The following RPS6KA3 variants were observed in gnomAD, a reference collection of about 807,000 sequenced individuals.
RPS6KA3 encodes ribosomal protein S6 kinase alpha-3.
A neutral mutation model predicts 67.2 loss-of-function variants in RPS6KA3; 4 were observed. The observed-to-expected ratio is 0.06, with a 90% confidence interval of 0.03 to 0.14. The LOEUF (loss-of-function observed/expected upper bound fraction) is 0.14. Among genes scored for constraint, RPS6KA3 ranks in the 10% least tolerant of loss-of-function variants. The pLI, the probability that RPS6KA3 is intolerant of heterozygous loss-of-function variation, is 1.00. For missense variants in RPS6KA3, 204 were observed against 559.0 expected (o/e 0.36, Z 6.40); for synonymous variants, 182 against 183.7 (o/e 0.99, Z 0.07).
chrX:20,161,035 T>C, intron 20 of RPS6KA3, among the ~76,000 whole-genome samples: 1 of 112,094 alleles, frequency 8.9e-6, no homozygotes. Flanking sequence ...TCAGTGCTAT[T>C]CAGGGGATGG....
chrX:20,248,239 T>C (rs2069756197), intron 1 of RPS6KA3, among the ~76,000 whole-genome samples: 1 of 112,333 alleles, frequency 8.9e-6, no homozygotes, highest in Non-Finnish European at 1.9e-5. Context: ...TTTTATCTTT[T>C]TGAATACTCT....
chrX:20,166,525 A>G (rs189066158), intron 17 of RPS6KA3, among the ~76,000 whole-genome samples: 2 of 111,382 alleles, frequency 1.8e-5, no homozygotes, highest in Admixed American at 1.9e-4. Context: ...CTTAAGAAGT[A>G]ATCTTTTATA....
chrX:20,176,253 TG>T lies in RPS6KA3; in HGVS notation c.1098del (p.Asp368IlefsTer57). ...GATTTTCACATTTTCTCCTTACCTT[TG>T]GGAGTTTTTGCAGTAAACTCAGGAT... ...YFDPEFTAKT[P>X]KDSPGIPPSA... On this transcript the variant is annotated frameshift_variant, in exon 13 of 22. Transcript: ENST00000379565. LOFTEE classifies it high-confidence loss of function. The T allele has an allele frequency of 9.0e-7, 1 of 1,112,216 alleles. No individual in the cohort carries two copies. The highest frequency in any genetic ancestry group is 1.2e-6 in the Non-Finnish European group (1 of 804,723). The allele number at this position is 1,112,216 out of a possible 1,213,427, so 91.7% of individuals were successfully genotyped here.
At chrX:20,216,269 C>A (rs1377801164) in intron 2 of RPS6KA3, among the ~76,000 whole-genome samples, 1 of 111,731 alleles carries the variant, frequency 9.0e-6, no homozygotes, top group African/African-American at 3.3e-5. Flanking sequence ...CGTCTTCTTT[C>A]ATTCTTCCTA....
chrX:20,211,652 CT>C (rs1343332867), intron 2 of RPS6KA3, among the ~76,000 whole-genome samples: 1 of 111,136 alleles, frequency 9.0e-6, no homozygotes, highest in Middle Eastern at 4.3e-3. Context: ...AAGTTCTCTT[CT>C]TTTCTTTTTC....
chrX:20,256,171 T>TA, intron 1 of RPS6KA3, among the ~76,000 whole-genome samples: 1 of 4,608 alleles, frequency 2.2e-4, no homozygotes, highest in African/African-American at 2.3e-3. Flanking sequence ...AGACACCGTC[T>TA]CAAAAAAAAA....
intron 3 of RPS6KA3, among the ~76,000 whole-genome samples, chrX:20,207,588 C>T (rs755304561): frequency 2.6e-4 from 29 of 111,274 alleles, no homozygotes; most frequent in East Asian, 2.8e-4. Flanking sequence ...AGCCTAGAAT[C>T]GAACCTTGAA....
intron 1 of RPS6KA3, among the ~76,000 whole-genome samples, chrX:20,249,989 A>G (rs112562747): frequency 0.031 from 3,447 of 112,017 alleles, 127 homozygotes; most frequent in African/African-American, 0.1. Context: ...ATAGCTCCAG[A>G]CACCATTGTT....
chrX:20,238,318 A>G (rs1456885824), intron 1 of RPS6KA3, among the ~76,000 whole-genome samples: 2 of 111,621 alleles, frequency 1.8e-5, no homozygotes, highest in Admixed American at 9.5e-5. Context: ...TTATTTTTGG[A>G]ATGCCCTCAA....
At chrX:20,253,602 A>C (rs2069948202) in intron 1 of RPS6KA3, among the ~76,000 whole-genome samples, 1 of 111,489 alleles carries the variant, frequency 9.0e-6, no homozygotes, top group Non-Finnish European at 1.9e-5. Flanking sequence ...GGGGTCCTCT[A>C]TCTTGGCAGA....
intron 3 of RPS6KA3, among the ~76,000 whole-genome samples, chrX:20,204,475 C>T (rs867232049): frequency 6.2e-5 from 7 of 112,243 alleles, no homozygotes; most frequent in African/African-American, 2.3e-4. Context: ...TTCTACTGAG[C>T]CCGTCAAAAT....
chrX:20,160,235 C>T (rs893937270), intron 20 of RPS6KA3, among the ~76,000 whole-genome samples: 7 of 111,796 alleles, frequency 6.3e-5, no homozygotes, highest in African/African-American at 2.3e-4. Flanking sequence ...TGTCTCCCAA[C>T]TAGACTGTGA....
chrX:20,234,399 C>G (rs1325358416), intron 2 of RPS6KA3, among the ~76,000 whole-genome samples: 1 of 111,668 alleles, frequency 9.0e-6, no homozygotes, highest in Non-Finnish European at 1.9e-5. Context: ...CCTGTGAACC[C>G]AGGAGGCTGA....
At chrX:20,194,717 C>T (rs900432241) in intron 5 of RPS6KA3, among the ~76,000 whole-genome samples, 3 of 110,369 alleles carry the variant, frequency 2.7e-5, no homozygotes, top group Non-Finnish European at 5.7e-5. Context: ...AGGATGTTGA[C>T]ATTAGGGATC....
rs1441927228 is a variant in RPS6KA3, at chrX:20,155,007, T to C, written c.*391A>G. On this transcript the variant is annotated 3_prime_UTR_variant, in exon 22 of 22. Coordinates refer to ENST00000379565, the MANE Select transcript of RPS6KA3 (RefSeq NM_004586.3). Reference sequence around the variant, plus strand: ...ATATAAACGGATTGTTTAAGCTAAGTGCTTAACATAAACTGTCCATCCCTA... The same window carrying C: ...ATATAAACGGATTGTTTAAGCTAAGCGCTTAACATAAACTGTCCATCCCTA... 2 of 234,862 alleles carry C rather than the reference T, an allele frequency of 8.5e-6. No individual in the cohort carries two copies. The highest frequency in any genetic ancestry group is 1.1e-4 in the East Asian group (1 of 9,192). 19.4% of individuals were successfully genotyped at this position (234,862 alleles called of 1,213,427 possible).
chrX:20,170,219 G>T (rs2067539229), intron 15 of RPS6KA3, among the ~76,000 whole-genome samples: 1 of 111,896 alleles, frequency 8.9e-6, no homozygotes, highest in South Asian at 3.7e-4. Context: ...ATATAAAAAA[G>T]ACAAATTTTG....
At chrX:20,221,715 T>C (rs2068991320) in intron 2 of RPS6KA3, among the ~76,000 whole-genome samples, 1 of 112,492 alleles carries the variant, frequency 8.9e-6, no homozygotes, top group Non-Finnish European at 1.9e-5. Flanking sequence ...CTTCAATGCA[T>C]TATTAAGAAC....
At position 20,263,137 on chromosome X, in the gene RPS6KA3, T is replaced by G. The variant is rs557601091; in HGVS notation, c.69+3427A>C. Among the ~76,000 whole-genome samples, 11 of 112,290 alleles carry G rather than the reference T, an allele frequency of 9.8e-5. No homozygotes were observed. In the South Asian group the frequency reaches 4.0e-3, roughly 41 times the overall value. ...TATTGTGGCTATTTTATATAACACA[T>G]TTCTATAAAACAAAAATAACCTCCA... On this transcript the variant is annotated intron_variant, in intron 1 of 21. Transcript: ENST00000379565.
intron 20 of RPS6KA3, 134 bp from the exon 21 acceptor site, chrX:20,156,383 G>T (rs903746884): frequency 1.5e-6 from 1 of 663,903 alleles, no homozygotes; most frequent in Admixed American, 2.5e-5. Context: ...GGTCAACATG[G>T]TAATTTGGGG....
Sources: allele counts gnomAD v4.1 joint callset (sites outside exome capture counted in the v4.1 genomes callset), GRCh38; gene constraint gnomAD v4.1.1; transcripts MANE v1.5; gene names NCBI Gene and HGNC (gene_info 2026-07-23, HGNC 2026-07-21).